Variants in KCNQ5 observed in about 807,000 individuals in gnomAD.
KCNQ5 encodes the protein potassium voltage-gated channel subfamily Q member 5, also known as potassium voltage-gated channel subfamily KQT member 5.
KCNQ5 carries 30 observed loss-of-function variants against 98.2 expected under a neutral mutation model. The observed-to-expected ratio is 0.31, with a 90% CI of 0.23 to 0.41. The LOEUF (loss-of-function observed/expected upper bound fraction) is 0.41. Ranked by LOEUF, KCNQ5 falls within the 10% of genes least tolerant of loss-of-function variation. The probability of loss-of-function intolerance (pLI) is 1.00; values close to 1 mark genes in which losing one functional copy is unlikely to be tolerated. For synonymous variants in KCNQ5, 458 were observed against 449.4 expected, an observed-to-expected ratio of 1.02 and a Z score of -0.24; for missense variants, 835 against 1,182.5, an observed-to-expected ratio of 0.71 and a Z score of 4.31.
intron 1 of KCNQ5, among the ~76,000 whole-genome samples, chr6:72,741,005 T>C (rs1311231154): frequency 6.6e-6 from 1 of 152,140 alleles, no homozygotes; most frequent in Non-Finnish European, 1.5e-5. Context: ...TCTTTCCTGG[T>C]GAAAAACTTA....
intron 1 of KCNQ5, among the ~76,000 whole-genome samples, chr6:72,816,901 C>G (rs1461116525): frequency 6.6e-6 from 1 of 152,174 alleles, no homozygotes; most frequent in Non-Finnish European, 1.5e-5. Flanking sequence ...GTAGTACATT[C>G]AGCAAAGAGT....
chr6:72,778,424 G>A (rs1773271518), intron 1 of KCNQ5, among the ~76,000 whole-genome samples: 1 of 151,924 alleles, frequency 6.6e-6, no homozygotes, highest in Non-Finnish European at 1.5e-5. Flanking sequence ...TGTGGTTCCA[G>A]CTACTCGGGA....
intron 1 of KCNQ5, among the ~76,000 whole-genome samples, chr6:72,914,144 C>G (rs1382318767): frequency 6.6e-6 from 1 of 152,100 alleles, no homozygotes; most frequent in African/African-American, 2.4e-5. Context: ...GGTAGAATGT[C>G]CTGAACCCCC....
intron 1 of KCNQ5, among the ~76,000 whole-genome samples, chr6:72,801,690 G>T (rs1204083369): frequency 1.3e-5 from 2 of 148,198 alleles, no homozygotes; most frequent in Admixed American, 6.7e-5. Context: ...TGGTTATTTT[G>T]CTCGTTAGTT....
chr6:73,002,562 A>C (rs559585950), intron 1 of KCNQ5, among the ~76,000 whole-genome samples: 1 of 152,328 alleles, frequency 6.6e-6, no homozygotes, highest in South Asian at 2.1e-4. Context: ...CCCTCTATGA[A>C]TGTTAGTCAT....
At chr6:73,073,788 T>C (rs1562162218) in intron 3 of KCNQ5, among the ~76,000 whole-genome samples, 1 of 152,202 alleles carries the variant, frequency 6.6e-6, no homozygotes, top group African/African-American at 2.4e-5. Flanking sequence ...TGTGTTATCT[T>C]CACTAAAAAC....
At chr6:73,130,056 C>T (rs1434023170) in intron 9 of KCNQ5, among the ~76,000 whole-genome samples, 2 of 152,212 alleles carry the variant, frequency 1.3e-5, no homozygotes, top group African/African-American at 4.8e-5. Context: ...GACAAATAGT[C>T]GGCGTCCCGC....
chr6:72,732,379 T>G (rs1470691769), intron 1 of KCNQ5, among the ~76,000 whole-genome samples: 1 of 151,468 alleles, frequency 6.6e-6, no homozygotes, highest in Non-Finnish European at 1.5e-5. Flanking sequence ...AGGGTGTGGA[T>G]GTATATGAGG....
chr6:72,720,835 A>T (rs139414582), intron 1 of KCNQ5, among the ~76,000 whole-genome samples: 1 of 152,328 alleles, frequency 6.6e-6, no homozygotes, highest in Non-Finnish European at 1.5e-5. Context: ...CTCAACTTCT[A>T]GCTCTAAGTC....
chr6:72,886,264 C>T (rs970221256), intron 1 of KCNQ5, among the ~76,000 whole-genome samples: 1 of 152,120 alleles, frequency 6.6e-6, no homozygotes, highest in East Asian at 1.9e-4. Flanking sequence ...GATACACAGG[C>T]ATCATACCTG....
intron 1 of KCNQ5, among the ~76,000 whole-genome samples, chr6:72,642,167 G>A (rs12214096): frequency 0.18 from 26,327 of 148,694 alleles, 2,664 homozygotes; most frequent in Middle Eastern, 0.26. Context: ...GATAAAGAGC[G>A]TGTTAAAAAG....
chr6:72,838,539 C>T (rs1253662747), intron 1 of KCNQ5, among the ~76,000 whole-genome samples: 1 of 152,158 alleles, frequency 6.6e-6, no homozygotes, highest in Non-Finnish European at 1.5e-5. Context: ...GAAACACCAA[C>T]ACTTAAAATA....
At chr6:73,069,292 A>G (rs2150383507) in intron 3 of KCNQ5, among the ~76,000 whole-genome samples, 1 of 152,030 alleles carries the variant, frequency 6.6e-6, no homozygotes, top group South Asian at 2.1e-4. Flanking sequence ...TTGCATTTCA[A>G]TCTGTGTAGA....
intron 1 of KCNQ5, among the ~76,000 whole-genome samples, chr6:72,663,495 A>G (rs1330089307): frequency 6.6e-6 from 1 of 152,340 alleles, no homozygotes; most frequent in East Asian, 1.9e-4. Flanking sequence ...GCTTAAAATT[A>G]GTTCTTAGGA....
In KCNQ5 at chr6:72,651,992, G is replaced by A. The variant is rs140339664; in HGVS notation, c.398+29405G>A. Among the ~76,000 whole-genome samples the A allele has an allele frequency of 3.3e-3, 502 of 151,820 alleles. 2 individuals carry two copies. Among genetic ancestry groups the A allele is most frequent in the Middle Eastern group, 0.014 (4 of 294 alleles). ...AATTACAGATTTCTTTTTTGATGAC[G>A]GTGGTTAGGGTAAGAAGCGGCTTTT... is the stretch of plus-strand genomic sequence containing the variant. On this transcript the variant is annotated intron_variant, in intron 1 of 13. Coordinates refer to ENST00000370398, the MANE Select transcript of KCNQ5 (RefSeq NM_019842.4).
chr6:72,622,252 CGCA>C lies in KCNQ5; in HGVS notation c.66_68del (p.Ala27del). On this transcript the variant is annotated inframe_deletion, in exon 1 of 14. Transcript: ENST00000370398. The surrounding 1 kb of genome is among the most constrained non-coding windows in gnomAD (Gnocchi z 6.0). ...CCGCCGGGCTCTGGGTGAAGAGCGG[CGCA>C]GCGGCGGCGGCGGCGGGCGGGGGGC... 5 of 1,266,648 alleles carry C rather than the reference CGCA, an allele frequency of 3.9e-6. No individual in the cohort carries two copies. Among genetic ancestry groups the C allele is most frequent in the Non-Finnish European group, 4.9e-6 (5 of 1,010,560 alleles). 78.5% of individuals were successfully genotyped at this position (1,266,648 alleles called of 1,614,324 possible).
intron 1 of KCNQ5, among the ~76,000 whole-genome samples, chr6:72,895,259 A>G (rs1018993476): frequency 6.6e-6 from 1 of 150,996 alleles, no homozygotes; most frequent in Non-Finnish European, 1.5e-5. Flanking sequence ...ACTGCACACC[A>G]GCCTGGGTGA....
At chr6:72,859,391 G>A (rs956976465) in intron 1 of KCNQ5, among the ~76,000 whole-genome samples, 2 of 151,544 alleles carry the variant, frequency 1.3e-5, no homozygotes, top group African/African-American at 2.4e-5. Context: ...AGAAATAGTT[G>A]ACAAATAATG....
chr6:72,763,381 A>G (rs1772387633), intron 1 of KCNQ5, among the ~76,000 whole-genome samples: 2 of 151,998 alleles, frequency 1.3e-5, no homozygotes, highest in South Asian at 4.1e-4. Flanking sequence ...TCAAGAACCT[A>G]TTTTTCGTCT....
Sources: gnomAD v4.1 joint callset for allele counts (sites outside exome capture counted in the v4.1 genomes callset) on GRCh38, gnomAD v4.1.1 for gene constraint, Gnocchi (gnomAD v3.1) non-coding constraint, MANE v1.5 for transcripts, NCBI Gene and HGNC (gene_info 2026-07-23, HGNC 2026-07-21) for gene names.